Variants in PRDM11 observed in about 807,000 individuals in gnomAD.
The protein encoded by PRDM11 is PR/SET domain 11, also known as PR domain-containing protein 11.
A neutral mutation model predicts 97.8 loss-of-function variants in PRDM11; 20 were observed. The ratio of observed to expected loss-of-function variants is 0.20; its 90% CI spans 0.14 to 0.30. The LOEUF (loss-of-function observed/expected upper bound fraction) is 0.30. Among genes scored for constraint, PRDM11 ranks in the 10% least tolerant of loss-of-function variants. The pLI is 1.00. For synonymous variants in PRDM11, 599 were observed against 637.7 expected (o/e 0.94, Z 0.91); for missense variants, 1,139 against 1,555.2 (o/e 0.73, Z 4.50).
At chr11:45,146,418 T>C (rs909075078), upstream of PRDM11, among the ~76,000 whole-genome samples, 2 of 152,124 alleles carry the variant, frequency 1.3e-5, no homozygotes, top group African/African-American at 4.8e-5. Context: ...CTTTTTTTCA[T>C]CTATTTTTTT....
intron 1 of PRDM11, among the ~76,000 whole-genome samples, chr11:45,131,628 T>C (rs1315312532): frequency 6.6e-6 from 1 of 152,220 alleles, no homozygotes; most frequent in Non-Finnish European, 1.5e-5. Flanking sequence ...TCACAACATG[T>C]TGAATACAGT....
At chr11:45,169,699 C>T (rs565585485) in intron 1 of PRDM11, among the ~76,000 whole-genome samples, 1 of 146,242 alleles carries the variant, frequency 6.8e-6, no homozygotes, top group Admixed American at 7.0e-5. Flanking sequence ...TATCCCCAGG[C>T]CCAGAGAAGT....
intron 4 of PRDM11, among the ~76,000 whole-genome samples, chr11:45,199,457 T>C (rs1347396281): frequency 6.6e-6 from 1 of 152,228 alleles, no homozygotes; most frequent in Non-Finnish European, 1.5e-5. Context: ...CCACATCTGA[T>C]GATGATGGCT....
At chr11:45,122,174 AAG>A (rs2135629028) in intron 1 of PRDM11, among the ~76,000 whole-genome samples, 1 of 146,286 alleles carries the variant, frequency 6.8e-6, no homozygotes, top group South Asian at 2.2e-4. Context: ...CCCTACTAAG[AAG>A]AGAGACACAG....
chr11:45,185,154 G>T (rs1565301705), intron 4 of PRDM11, among the ~76,000 whole-genome samples: 1 of 152,226 alleles, frequency 6.6e-6, no homozygotes, highest in African/African-American at 2.4e-5. Context: ...GGTGACTTTA[G>T]CAAGAGCTAT....
At chr11:45,160,632 T>C (rs1469821151) in intron 1 of PRDM11, among the ~76,000 whole-genome samples, 2 of 152,270 alleles carry the variant, frequency 1.3e-5, no homozygotes, top group African/African-American at 4.8e-5. Flanking sequence ...GAAAGGATCG[T>C]CATTTAACCA....
chr11:45,191,386 T>A (rs907252380), intron 4 of PRDM11, among the ~76,000 whole-genome samples: 1 of 152,188 alleles, frequency 6.6e-6, no homozygotes, highest in African/African-American at 2.4e-5. Context: ...GTTAAAATGA[T>A]TTTTCTATTT....
chr11:45,181,249 G>A (rs1370804490), intron 1 of PRDM11, among the ~76,000 whole-genome samples: 2 of 152,188 alleles, frequency 1.3e-5, no homozygotes, highest in East Asian at 3.9e-4. Flanking sequence ...GCGCCCCCAG[G>A]CCCTGCCTGT....
chr11:45,158,220 G>T (rs1208865460), intron 1 of PRDM11, among the ~76,000 whole-genome samples: 2 of 152,190 alleles, frequency 1.3e-5, no homozygotes, highest in African/African-American at 2.4e-5. Flanking sequence ...TCCCAGGGCT[G>T]CTGGGAACAG....
At chr11:45,213,804 G>A (rs1853867312) in intron 5 of PRDM11, 1 of 442,560 alleles carries the variant, frequency 2.3e-6, no homozygotes. Context: ...GTTAGTGAGA[G>A]GGCCAGGACT....
chr11:45,213,101 CAG>C (rs1256915310), intron 5 of PRDM11: 2 of 455,462 alleles, frequency 4.4e-6, no homozygotes, highest in Non-Finnish European at 4.4e-6. Flanking sequence ...GGCCTCACAA[CAG>C]GGGCCAGTCT....
chr11:45,215,070 G>A (rs971727342), intron 5 of PRDM11, among the ~76,000 whole-genome samples: 9 of 152,202 alleles, frequency 5.9e-5, no homozygotes, highest in Non-Finnish European at 7.3e-5. Context: ...AACAATCACC[G>A]TTTCGGACAG....
intron 1 of PRDM11, among the ~76,000 whole-genome samples, chr11:45,153,921 T>G (rs888864832): frequency 2.6e-5 from 4 of 152,092 alleles, no homozygotes; most frequent in Non-Finnish European, 5.9e-5. Flanking sequence ...CTCAGAGAGG[T>G]TACATGACCA....
chr11:45,165,470 C>T (rs1046496923), intron 1 of PRDM11, among the ~76,000 whole-genome samples: 2 of 152,240 alleles, frequency 1.3e-5, no homozygotes, highest in African/African-American at 2.4e-5. Flanking sequence ...CAGGGGGTGG[C>T]ATCTGCACAG....
At position 45,101,567 on chromosome 11, in the gene PRDM11, A is replaced by AAAAAAAAAAAAGAAG. The variant is rs767802218; in HGVS notation, c.96+5668_96+5669insAAAAAAAAAGAAGAA. On this transcript the variant is annotated intron_variant, in intron 1 of 6. Transcript: ENST00000530656. ...CAACACTCTGTCTCAAAAAAAAAAA[A>AAAAAAAAAAAAGAAG]AAGAAGAAGAAGAAGAAGAAGAAGA... Among the ~76,000 whole-genome samples, 6 of 96,864 alleles carry AAAAAAAAAAAAGAAG rather than the reference A, an allele frequency of 6.2e-5. No individual in the cohort carries two copies. The South Asian group carries it at 1.1e-3, about 18-fold the overall frequency. 63.5% of individuals were successfully genotyped at this position (96,864 alleles called of 152,430 possible). A position where few individuals can be genotyped will look rare whatever the true frequency, so the allele number is the denominator to read the frequency against.
chr11:45,115,928 C>CAAAAA (rs1179136677), intron 1 of PRDM11, among the ~76,000 whole-genome samples: 1 of 56,580 alleles, frequency 1.8e-5, no homozygotes, highest in African/African-American at 7.1e-5. Flanking sequence ...AACTCCATCT[C>CAAAAA]AAAAAAAAAA....
At chr11:45,209,782 A>C (rs1853653472) in intron 5 of PRDM11, among the ~76,000 whole-genome samples, 1 of 152,010 alleles carries the variant, frequency 6.6e-6, no homozygotes, top group Non-Finnish European at 1.5e-5. Context: ...CCACGTTTTC[A>C]TTTTGCATTT....
chr11:45,132,742 C>T (rs1852746916), intron 1 of PRDM11, among the ~76,000 whole-genome samples: 1 of 152,186 alleles, frequency 6.6e-6, no homozygotes, highest in Non-Finnish European at 1.5e-5. Context: ...AAGTCAACCT[C>T]TTACAGGAAA....
intron 4 of PRDM11, among the ~76,000 whole-genome samples, chr11:45,201,051 C>G (rs1369972162): frequency 6.6e-6 from 1 of 152,150 alleles, no homozygotes; most frequent in Non-Finnish European, 1.5e-5. Context: ...ATGCTCCCCC[C>G]ATGGCTGATT....
Sources: allele counts gnomAD v4.1 joint callset (sites outside exome capture counted in the v4.1 genomes callset), GRCh38; gene constraint gnomAD v4.1.1; transcripts MANE v1.5; gene names NCBI Gene and HGNC (gene_info 2026-07-23, HGNC 2026-07-21).